Variants in KCNQ3 observed in about 807,000 individuals in gnomAD.
KCNQ3 encodes the protein potassium voltage-gated channel subfamily KQT member 3.
In KCNQ3, 30 loss-of-function variants were observed where a neutral mutation model predicts 92.5. The ratio of observed to expected loss-of-function variants is 0.32; its 90% CI spans 0.24 to 0.44. KCNQ3 has a LOEUF of 0.44. Among genes scored for constraint, KCNQ3 ranks in the 20% least tolerant of loss-of-function variants. The pLI is 1.00. For synonymous variants in KCNQ3, 450 were observed against 468.8 expected (o/e 0.96, Z 0.52); for missense variants, 913 against 1,140.3 (o/e 0.80, Z 2.87).
chr8:132,249,142 A>G (rs751026452), intron 1 of KCNQ3, among the ~76,000 whole-genome samples: 1 of 152,196 alleles, frequency 6.6e-6, no homozygotes, highest in Non-Finnish European at 1.5e-5. Flanking sequence ...GTGGACCCAA[A>G]GAGTGAGCAG....
chr8:132,250,727 T>G (rs1258904013), intron 1 of KCNQ3, among the ~76,000 whole-genome samples: 1 of 152,124 alleles, frequency 6.6e-6, no homozygotes, highest in Non-Finnish European at 1.5e-5. Context: ...ACAGGATGCA[T>G]GGGCTCCTCC....
chr8:132,272,560 G>A (rs1586884470), intron 1 of KCNQ3, among the ~76,000 whole-genome samples: 3 of 152,200 alleles, frequency 2.0e-5, no homozygotes, highest in Non-Finnish European at 4.4e-5. Flanking sequence ...GTTCCACATG[G>A]CTGGGGAGGC....
intron 1 of KCNQ3, among the ~76,000 whole-genome samples, chr8:132,249,684 G>A (rs1304488655): frequency 6.6e-6 from 1 of 152,216 alleles, no homozygotes; most frequent in Admixed American, 6.5e-5. Flanking sequence ...GGCAGTCGAC[G>A]GGACTGGGCA....
At chr8:132,388,445 G>A (rs1230122277) in intron 1 of KCNQ3, among the ~76,000 whole-genome samples, 1 of 151,776 alleles carries the variant, frequency 6.6e-6, no homozygotes, top group Non-Finnish European at 1.5e-5. Context: ...TCAACAATAG[G>A]GTACCGATTA....
chr8:132,285,228 G>C (rs140731381), intron 1 of KCNQ3, among the ~76,000 whole-genome samples: 95 of 152,320 alleles, frequency 6.2e-4, no homozygotes, highest in Middle Eastern at 6.8e-3. Context: ...CATGAATGGA[G>C]TATTAAGGGT....
intron 1 of KCNQ3, among the ~76,000 whole-genome samples, chr8:132,447,876 C>T (rs971873726): frequency 6.6e-6 from 1 of 152,158 alleles, no homozygotes; most frequent in Non-Finnish European, 1.5e-5. Context: ...GTTACCACGG[C>T]GTAAGTACTA....
intron 1 of KCNQ3, among the ~76,000 whole-genome samples, chr8:132,254,734 C>T (rs932548985): frequency 6.6e-6 from 1 of 152,194 alleles, no homozygotes; most frequent in Admixed American, 6.5e-5. Context: ...CAAAAATTAG[C>T]TGGGCGTGGT....
chr8:132,180,520 G>T (rs1826725082), intron 3 of KCNQ3, among the ~76,000 whole-genome samples, 191 bp from the exon 4 acceptor site: 1 of 152,206 alleles, frequency 6.6e-6, no homozygotes, highest in South Asian at 2.1e-4. Context: ...GACTGATGAG[G>T]AAACTGAAGC....
At position 132,480,488 on chromosome 8, in the gene KCNQ3, GCCGCCGCCAGCCGCCC is replaced by G; in HGVS notation, c.29_44del (p.Gly10AlafsTer79). 8.5e-7 allele frequency: 1 copy of G among 1,174,610 alleles called. No homozygotes were observed. The highest frequency in any genetic ancestry group is 4.1e-5 in the South Asian group (1 of 24,674). The allele number at this position is 1,174,610 out of a possible 1,614,324, so 72.8% of individuals were successfully genotyped here. Reference sequence around the variant, plus strand: ...CGCCGCCTCCGCCGCCCCCGTCGCCGCCGCCGCCAGCCGCCCCCGCCGCCCTGCGCGCCTTGAGCCC... The same window carrying G: ...CGCCGCCTCCGCCGCCCCCGTCGCCGCCGCCGCCCTGCGCGCCTTGAGCCC... On this transcript the variant is annotated frameshift_variant, in exon 1 of 15. Transcript: ENST00000388996. LOFTEE classifies it high-confidence loss of function.
chr8:132,158,148 G>A (rs758214930), intron 9 of KCNQ3, among the ~76,000 whole-genome samples: 3 of 152,152 alleles, frequency 2.0e-5, no homozygotes, highest in Non-Finnish European at 4.4e-5. Flanking sequence ...ATGTTGCAGG[G>A]TCTGGATAGC....
At chr8:132,210,980 T>C (rs891991026) in intron 1 of KCNQ3, among the ~76,000 whole-genome samples, 4 of 152,234 alleles carry the variant, frequency 2.6e-5, no homozygotes, top group Admixed American at 2.6e-4. Flanking sequence ...AAGTCACTTT[T>C]GCATACCTTC....
Position 132,141,184 on chromosome 8 carries a change from C to G in KCNQ3, c.1410G>C (p.Glu470Asp). ...EPKPVGLNNK[E>D]RFRTAFRMKA... The stretch of plus-strand genomic sequence containing the variant: ...TCATGCGGAAGGCCGTGCGGAAACG[C>G]TCTTTATTGTTTAAGCCAACAGGCT... The change falls in exon 10 of 15, where the codon GAG (glutamate) becomes GAC (aspartate). Residue 470 changes from glutamate to aspartate, a missense_variant. Around this residue, in one of 6 missense-constraint regions of KCNQ3, gnomAD observed 182 missense variants for 234.5 expected, o/e 0.78. Transcript: ENST00000388996. 6.2e-7 allele frequency: 1 copy of G among 1,614,206 alleles called. No homozygotes were observed. The highest frequency in any genetic ancestry group is 8.5e-7 in the Non-Finnish European group (1 of 1,180,026).
At chr8:132,131,184 A>C (rs867494608) in intron 14 of KCNQ3, among the ~76,000 whole-genome samples, 4 of 152,228 alleles carry the variant, frequency 2.6e-5, no homozygotes, top group Admixed American at 2.0e-4. Context: ...AATGAAAACA[A>C]AATTCTTGAT....
chr8:132,365,945 G>A (rs575532979), intron 1 of KCNQ3, among the ~76,000 whole-genome samples: 1 of 152,134 alleles, frequency 6.6e-6, no homozygotes, highest in Non-Finnish European at 1.5e-5. Flanking sequence ...GAGGGAGGAT[G>A]GTTTGAGCCC....
At chr8:132,466,654 A>G (rs1468687773) in intron 1 of KCNQ3, among the ~76,000 whole-genome samples, 3 of 152,124 alleles carry the variant, frequency 2.0e-5, no homozygotes, top group Non-Finnish European at 4.4e-5. Flanking sequence ...CGATTTTACA[A>G]AATTCTCCAA....
intron 1 of KCNQ3, among the ~76,000 whole-genome samples, chr8:132,230,044 G>T (rs1814580305): frequency 6.6e-6 from 1 of 152,128 alleles, no homozygotes; most frequent in South Asian, 2.1e-4. Flanking sequence ...TCTTCTGTCT[G>T]GGAAGCCAGC....
At chr8:132,348,348 G>T (rs1005375377) in intron 1 of KCNQ3, among the ~76,000 whole-genome samples, 25 of 152,276 alleles carry the variant, frequency 1.6e-4, no homozygotes, top group African/African-American at 5.8e-4. Context: ...TTGGATAAGG[G>T]CTGTTAGAGA....
At chr8:132,444,690 G>A (rs887553397) in intron 1 of KCNQ3, among the ~76,000 whole-genome samples, 2 of 152,236 alleles carry the variant, frequency 1.3e-5, no homozygotes, top group Admixed American at 6.5e-5. Flanking sequence ...GTGTGACACA[G>A]CTGACCACAG....
intron 1 of KCNQ3, among the ~76,000 whole-genome samples, chr8:132,445,022 G>A (rs1378498604): frequency 6.6e-6 from 1 of 152,154 alleles, no homozygotes; most frequent in Non-Finnish European, 1.5e-5. Context: ...AAAGCCTTCA[G>A]GGTGTTTCCA....
Sources: gnomAD v4.1 joint callset for allele counts (sites outside exome capture counted in the v4.1 genomes callset) on GRCh38, gnomAD v4.1.1 for gene constraint, gnomAD v4.1.1 regional missense constraint, MANE v1.5 for transcripts, NCBI Gene and HGNC (gene_info 2026-07-23, HGNC 2026-07-21) for gene names.